Variants in PTPRD observed in about 807,000 individuals in gnomAD.
The protein encoded by PTPRD is protein tyrosine phosphatase receptor type D.
A neutral mutation model predicts 214.5 loss-of-function variants in PTPRD; 34 were observed. That is an observed-to-expected ratio of 0.16 (90% CI 0.12 to 0.21). PTPRD has a LOEUF of 0.21. PTPRD is among the 10% of genes least tolerant of loss of function. The pLI is 1.00. For synonymous variants in PTPRD, 1,128 were observed against 845.7 expected, an observed-to-expected ratio of 1.33 and a Z score of -5.79; for missense variants, 2,545 against 2,398.7, an observed-to-expected ratio of 1.06 and a Z score of -1.27.
chr9:9,490,400 C>T (rs2095846985), intron 8 of PTPRD, among the ~76,000 whole-genome samples: 1 of 152,016 alleles, frequency 6.6e-6, no homozygotes, highest in South Asian at 2.1e-4. Flanking sequence ...GTATTTGTCG[C>T]TTTCCACACA....
At chr9:10,099,716 T>C (rs996423266) in intron 3 of PTPRD, among the ~76,000 whole-genome samples, 4 of 151,670 alleles carry the variant, frequency 2.6e-5, no homozygotes, top group African/African-American at 7.2e-5. Context: ...TCATCGTATG[T>C]TGGGTCTGCT....
intron 3 of PTPRD, among the ~76,000 whole-genome samples, chr9:10,190,140 G>A (rs972662625): frequency 2.0e-5 from 3 of 151,948 alleles, no homozygotes; most frequent in East Asian, 1.9e-4. Context: ...GCTGAGGGGG[G>A]TGGATCACCT....
chr9:8,457,506 T>C (rs1346283628), intron 33 of PTPRD, among the ~76,000 whole-genome samples: 2 of 152,090 alleles, frequency 1.3e-5, no homozygotes, highest in Non-Finnish European at 2.9e-5. Context: ...ATTACTAGAT[T>C]AAAAACAAAA....
At chr9:9,855,587 T>C (rs2061399749) in intron 5 of PTPRD, among the ~76,000 whole-genome samples, 1 of 152,130 alleles carries the variant, frequency 6.6e-6, no homozygotes. Context: ...CTCAACAATT[T>C]GACGGAGGGA....
intron 11 of PTPRD, among the ~76,000 whole-genome samples, chr9:8,949,502 A>G (rs1374071341): frequency 2.2e-5 from 1 of 45,794 alleles, no homozygotes; most frequent in Non-Finnish European, 4.9e-5. Context: ...ACTTCCATTT[A>G]CATAACGCCT....
intron 6 of PTPRD, among the ~76,000 whole-genome samples, chr9:9,758,184 C>CTTTTTTTT (rs34736489): frequency 6.9e-6 from 1 of 144,134 alleles, no homozygotes. Context: ...CCTTAGCAGA[C>CTTTTTTTT]TTTTTTTTTT....
At chr9:10,556,975 T>A (rs2062755676) in intron 2 of PTPRD, among the ~76,000 whole-genome samples, 1 of 152,116 alleles carries the variant, frequency 6.6e-6, no homozygotes, top group South Asian at 2.1e-4. Flanking sequence ...AGACATCCTA[T>A]GAAATTACGG....
chr9:8,536,904 T>C (rs925913912), intron 14 of PTPRD, among the ~76,000 whole-genome samples: 4 of 152,062 alleles, frequency 2.6e-5, no homozygotes, highest in Admixed American at 6.6e-5. Flanking sequence ...GTGTATTTGC[T>C]ACTTTGTCGA....
intron 34 of PTPRD, among the ~76,000 whole-genome samples, chr9:8,449,094 GT>G (rs1361644282): frequency 6.6e-6 from 1 of 152,108 alleles, no homozygotes; most frequent in Non-Finnish European, 1.5e-5. Context: ...GAATAGTAGT[GT>G]TCCTCTGTTG....
At chr9:8,536,667 T>A (rs989660612) in intron 14 of PTPRD, among the ~76,000 whole-genome samples, 15 of 152,062 alleles carry the variant, frequency 9.9e-5, no homozygotes, top group African/African-American at 3.6e-4. Context: ...TCTACTTAAT[T>A]ACCTAGGAAG....
At chr9:9,272,218 G>C (rs7858545) in intron 9 of PTPRD, among the ~76,000 whole-genome samples, 20,982 of 151,082 alleles carry the variant, frequency 0.14, 1,624 homozygotes, top group East Asian at 0.29. Context: ...AAATTACTCT[G>C]ATATGTGGGC....
At chr9:9,891,706 A>T (rs1335088554) in intron 5 of PTPRD, among the ~76,000 whole-genome samples, 1 of 152,120 alleles carries the variant, frequency 6.6e-6, no homozygotes, top group Non-Finnish European at 1.5e-5. Flanking sequence ...CCTATTTATA[A>T]GTTGAGAAAT....
chr9:8,869,478 T>G (rs2098256083), intron 11 of PTPRD, among the ~76,000 whole-genome samples: 1 of 152,148 alleles, frequency 6.6e-6, no homozygotes, highest in Admixed American at 6.6e-5. Flanking sequence ...AAAACACTGA[T>G]TTTATGGCTG....
chr9:10,457,651 G>C (rs980622475), intron 2 of PTPRD, among the ~76,000 whole-genome samples: 1 of 152,012 alleles, frequency 6.6e-6, no homozygotes, highest in Admixed American at 6.6e-5. Context: ...ACTTGTAGCA[G>C]AAACTTTCAG....
chr9:9,503,952 T>A (rs1000079159), intron 8 of PTPRD, among the ~76,000 whole-genome samples: 1 of 151,948 alleles, frequency 6.6e-6, no homozygotes, highest in South Asian at 2.1e-4. Context: ...TGTTATCCAT[T>A]ATTTTATCCA....
At chr9:9,729,905 G>A (rs188683633) in intron 7 of PTPRD, among the ~76,000 whole-genome samples, 90 of 152,160 alleles carry the variant, frequency 5.9e-4, no homozygotes, top group African/African-American at 2.0e-3. Context: ...TAATAACTGT[G>A]TATAATGTTA....
chr9:10,351,216 T>C (rs1409355336), intron 2 of PTPRD, among the ~76,000 whole-genome samples: 3 of 152,178 alleles, frequency 2.0e-5, no homozygotes, highest in Non-Finnish European at 4.4e-5. Flanking sequence ...AATTTTTTTT[T>C]AATCATCTAC....
At chr9:9,303,629 A>C (rs1419937092) in intron 9 of PTPRD, among the ~76,000 whole-genome samples, 1 of 152,086 alleles carries the variant, frequency 6.6e-6, no homozygotes, top group Non-Finnish European at 1.5e-5. Context: ...TTCAAGAAAA[A>C]TGGGAACAGT....
intron 11 of PTPRD, among the ~76,000 whole-genome samples, chr9:8,797,869 A>AT (rs35912143): frequency 0.087 from 12,824 of 146,942 alleles, 1,318 homozygotes; most frequent in African/African-American, 0.25. Context: ...ATTTAACAGA[A>AT]TTTTTTTTTT....
Sources: allele counts gnomAD v4.1 joint callset (sites outside exome capture counted in the v4.1 genomes callset), GRCh38; gene constraint gnomAD v4.1.1; transcripts MANE v1.5; gene names NCBI Gene and HGNC (gene_info 2026-07-23, HGNC 2026-07-21).